Variants in TSHZ2 observed in about 807,000 individuals in gnomAD.
TSHZ2 encodes teashirt zinc finger homeobox 2.
In TSHZ2, 21 loss-of-function variants were observed where a neutral mutation model predicts 74.4. That is an observed-to-expected ratio of 0.28 (90% confidence interval 0.20 to 0.41). The LOEUF (loss-of-function observed/expected upper bound fraction) is 0.41. Among genes scored for constraint, TSHZ2 ranks in the 10% least tolerant of loss-of-function variants. The pLI is 1.00. For synonymous variants in TSHZ2, 540 were observed against 515.3 expected, an observed-to-expected ratio of 1.05 and a Z score of -0.65; for missense variants, 1,244 against 1,293.5, an observed-to-expected ratio of 0.96 and a Z score of 0.59.
At chr20:53,258,807 A>T (rs1464765593) in intron 2 of TSHZ2, among the ~76,000 whole-genome samples, 1 of 152,242 alleles carries the variant, frequency 6.6e-6, no homozygotes, top group East Asian at 1.9e-4. Flanking sequence ...ATACAAAACC[A>T]AAGCTCCATC....
rs371673815 is a variant in TSHZ2, at chr20:53,052,672, A to G, written c.40+79339A>G. On this transcript the variant is annotated intron_variant, in intron 1 of 2. Transcript: ENST00000371497. ...TATTATTCCTGTGTATGCATATACT[A>G]CATTTCGTTTAGTCATTCATCTGTT... is the stretch of plus-strand genomic sequence containing the variant. 6.6e-5 allele frequency among the ~76,000 whole-genome samples: 10 copies of G among 152,340 alleles called. No individual in the cohort carries two copies. In the East Asian group the frequency reaches 1.5e-3, roughly 24 times the overall value.
chr20:53,367,909 G>A (rs1981329932), intron 2 of TSHZ2, among the ~76,000 whole-genome samples: 1 of 152,082 alleles, frequency 6.6e-6, no homozygotes, highest in Non-Finnish European at 1.5e-5. Flanking sequence ...AACTAGTAAT[G>A]AAAACCAAGG....
At chr20:53,230,840 C>T (rs373874427) in intron 1 of TSHZ2, among the ~76,000 whole-genome samples, 13 of 150,264 alleles carry the variant, frequency 8.7e-5, no homozygotes, top group Admixed American at 6.6e-5. Flanking sequence ...TGCAGTGAGC[C>T]GAGATCACAC....
intron 2 of TSHZ2, among the ~76,000 whole-genome samples, chr20:53,340,944 A>T (rs1288806192): frequency 1.3e-5 from 2 of 152,178 alleles, no homozygotes; most frequent in Non-Finnish European, 2.9e-5. Context: ...GAGCGCAATT[A>T]TTCCTACCTG....
chr20:53,159,546 A>G (rs1271981324), intron 1 of TSHZ2, among the ~76,000 whole-genome samples: 1 of 152,214 alleles, frequency 6.6e-6, no homozygotes, highest in East Asian at 1.9e-4. Flanking sequence ...AGAATAAGTT[A>G]TAGTTCATGG....
intron 1 of TSHZ2, among the ~76,000 whole-genome samples, chr20:53,036,416 G>A (rs935374755): frequency 4.0e-5 from 6 of 151,420 alleles, no homozygotes; most frequent in Non-Finnish European, 5.9e-5. Context: ...CTTTAATAAC[G>A]TGTATGTATA....
intron 2 of TSHZ2, among the ~76,000 whole-genome samples, chr20:53,288,656 G>A (rs1466630992): frequency 6.6e-6 from 1 of 152,118 alleles, no homozygotes; most frequent in African/African-American, 2.4e-5. Flanking sequence ...ACTGAACAGA[G>A]ACAATATTTC....
At chr20:53,297,786 G>A (rs1163989637) in intron 2 of TSHZ2, among the ~76,000 whole-genome samples, 1 of 152,178 alleles carries the variant, frequency 6.6e-6, no homozygotes, top group Admixed American at 6.5e-5. Context: ...GCTGCTTGAG[G>A]ATTAAATGTT....
In TSHZ2 at chr20:52,973,369, GCGCCGAGCTCCT is replaced by G. The variant is rs1366162435; in HGVS notation, c.40+41_40+52del. On this transcript the variant is annotated intron_variant, in intron 1 of 2. Transcript: ENST00000371497. ...CGGCTCCGCTTCGGGGCTGCCCTGT[GCGCCGAGCTCCT>G]CGCCCGCCCTCCTTGCCCCTGGGTG... The G allele has an allele frequency of 1.9e-6, 3 of 1,549,216 alleles. No homozygotes were observed. In the South Asian group the frequency reaches 3.6e-5, roughly 19 times the overall value.
intron 1 of TSHZ2, among the ~76,000 whole-genome samples, chr20:53,012,285 C>T (rs1393402504): frequency 2.6e-5 from 4 of 152,058 alleles, no homozygotes; most frequent in Non-Finnish European, 2.9e-5. Context: ...TCTTGTTTCC[C>T]GTCTCTGTTT....
intron 1 of TSHZ2, among the ~76,000 whole-genome samples, chr20:53,118,707 G>A (rs1399245445): frequency 1.3e-5 from 2 of 152,134 alleles, no homozygotes; most frequent in East Asian, 3.9e-4. Flanking sequence ...GAGGGGGGAA[G>A]CTGTAAGCAG....
chr20:53,384,718 T>C (rs1175813069), intron 2 of TSHZ2, among the ~76,000 whole-genome samples: 1 of 152,232 alleles, frequency 6.6e-6, no homozygotes, highest in Non-Finnish European at 1.5e-5. Context: ...AAAGCAATAA[T>C]GATCCAGGTG....
chr20:53,049,565 A>AG, intron 1 of TSHZ2, among the ~76,000 whole-genome samples: 1 of 152,242 alleles, frequency 6.6e-6, no homozygotes, highest in Middle Eastern at 3.4e-3. Context: ...CTTCACCATT[A>AG]GGTAGTGCCC....
At chr20:53,350,319 C>T (rs567001929) in intron 2 of TSHZ2, among the ~76,000 whole-genome samples, 16 of 152,336 alleles carry the variant, frequency 1.1e-4, no homozygotes, top group Middle Eastern at 6.8e-3. Context: ...CAGTGCAACT[C>T]TGTTGTGCCA....
At chr20:53,411,718 G>T (rs956740770) in intron 2 of TSHZ2, among the ~76,000 whole-genome samples, 1 of 152,074 alleles carries the variant, frequency 6.6e-6, no homozygotes, top group African/African-American at 2.4e-5. Context: ...AATCCCAGCT[G>T]CATGGGAGGC....
rs1465973459 is a variant in TSHZ2 at position 53,190,123 on chromosome 20, ATATATATATATATATT to A, written c.41-63374_41-63359del. ...TATATATATATATATATATATATAT[ATATATATATATATATT>A]TTCTTAAATGCCTCTGTTTCTTTTT... On this transcript the variant is annotated intron_variant, in intron 1 of 2. Transcript: ENST00000371497. 1.0e-3 allele frequency among the ~76,000 whole-genome samples: 91 copies of A among 88,896 alleles called. 6 individuals carry two copies. In the East Asian group the frequency reaches 0.02, roughly 20 times the overall value. The allele number at this position is 88,896 out of a possible 152,430, so 58.3% of individuals were successfully genotyped here. A position where few individuals can be genotyped will look rare whatever the true frequency, so the allele number is the denominator to read the frequency against.
chr20:53,319,716 A>C (rs574765743), intron 2 of TSHZ2, among the ~76,000 whole-genome samples: 9 of 152,342 alleles, frequency 5.9e-5, no homozygotes, highest in African/African-American at 2.2e-4. Flanking sequence ...AAGCTATTTA[A>C]CTTCTCTGAG....
rs112593709 is a variant in TSHZ2 at position 53,286,100 on chromosome 20, T to G, written c.*8+29529T>G. Reference sequence around the variant, plus strand: ...ACTTCTCGAGCTCAGTGGAAAATGTTTTCTGCCATTAATAATGCCAAAAGG... The same window carrying G: ...ACTTCTCGAGCTCAGTGGAAAATGTGTTCTGCCATTAATAATGCCAAAAGG... On this transcript the variant is annotated intron_variant, in intron 2 of 2. Transcript: ENST00000371497. 1.4e-4 allele frequency among the ~76,000 whole-genome samples: 22 copies of G among 152,338 alleles called. 1 individual carries two copies. The highest frequency in any genetic ancestry group is 5.1e-4 in the African/African-American group (21 of 41,582).
intron 2 of TSHZ2, among the ~76,000 whole-genome samples, chr20:53,381,046 A>T (rs1054346088): frequency 2.6e-5 from 4 of 152,162 alleles, no homozygotes; most frequent in African/African-American, 9.7e-5. Flanking sequence ...TAGCTCTGTG[A>T]TTTTGTGTGA....
Sources: allele counts gnomAD v4.1 joint callset (sites outside exome capture counted in the v4.1 genomes callset), GRCh38; gene constraint gnomAD v4.1.1; transcripts MANE v1.5; gene names NCBI Gene and HGNC (gene_info 2026-07-23, HGNC 2026-07-21).